Variants in TBCA observed in about 807,000 individuals in gnomAD.
TBCA encodes the protein tubulin folding cofactor A, also known as tubulin-specific chaperone A.
TBCA carries 6 observed loss-of-function variants against 15.8 expected under a neutral mutation model. The observed-to-expected ratio is 0.38, with a 90% CI of 0.21 to 0.75. TBCA has a LOEUF of 0.75. Among genes scored for constraint, TBCA ranks in the 30% least tolerant of loss-of-function variants. The pLI, the probability that TBCA is intolerant of heterozygous loss-of-function variation, is 0.46. For missense variants in TBCA, 90 were observed against 131.2 expected (o/e 0.69, Z 1.53); for synonymous variants, 32 against 42.3 (o/e 0.76, Z 0.94).
intron 1 of TBCA, among the ~76,000 whole-genome samples, chr5:77,770,732 A>G (rs1238068875): frequency 1.3e-5 from 2 of 149,740 alleles, no homozygotes; most frequent in Non-Finnish European, 3.0e-5. Flanking sequence ...AAATCTTAAA[A>G]AAAAAAGAAA....
intron 1 of TBCA, among the ~76,000 whole-genome samples, chr5:77,775,924 C>G (rs1414580435): frequency 6.6e-6 from 1 of 152,172 alleles, no homozygotes; most frequent in Non-Finnish European, 1.5e-5. Context: ...CCACCACCTT[C>G]CCACCGCGGG....
chr5:77,731,624 T>G (rs1746771160), intron 1 of TBCA, among the ~76,000 whole-genome samples: 1 of 152,220 alleles, frequency 6.6e-6, no homozygotes, highest in Admixed American at 6.5e-5. Context: ...ATTCCGTATC[T>G]CTATCTTTTA....
intron 2 of TBCA, among the ~76,000 whole-genome samples, chr5:77,708,017 CAAACAAAACA>C (rs895297072): frequency 1.3e-5 from 2 of 152,082 alleles, no homozygotes; most frequent in Non-Finnish European, 2.9e-5. Flanking sequence ...GGCCCTGTTT[CAAACAAAACA>C]AAACAAAACA....
At chr5:77,709,980 T>C (rs544284284) in intron 1 of TBCA, among the ~76,000 whole-genome samples, 2 of 152,174 alleles carry the variant, frequency 1.3e-5, no homozygotes, top group Admixed American at 6.6e-5. Context: ...TAAAGTAGAT[T>C]AGTGGTTGCT....
chr5:77,746,067 T>A (rs1580123926), intron 1 of TBCA, among the ~76,000 whole-genome samples: 2 of 152,188 alleles, frequency 1.3e-5, no homozygotes, highest in South Asian at 4.1e-4. Context: ...CAGTTTTTCA[T>A]CCCTTTGGTT....
At chr5:77,723,924 T>C (rs1389560236) in intron 1 of TBCA, among the ~76,000 whole-genome samples, 2 of 152,072 alleles carry the variant, frequency 1.3e-5, no homozygotes, top group Non-Finnish European at 2.9e-5. Flanking sequence ...TGAAATAGTT[T>C]TTAATGTTTT....
At chr5:77,740,034 G>C (rs1004844615) in intron 1 of TBCA, among the ~76,000 whole-genome samples, 3 of 152,120 alleles carry the variant, frequency 2.0e-5, no homozygotes, top group Admixed American at 1.3e-4. Context: ...GGAATTAGCA[G>C]GACAGAGACT....
At chr5:77,700,991 C>G (rs13182354) in intron 2 of TBCA, among the ~76,000 whole-genome samples, 1 of 152,082 alleles carries the variant, frequency 6.6e-6, no homozygotes, top group Non-Finnish European at 1.5e-5. Context: ...AAAAACCCTT[C>G]TAGACATTGG....
intron 1 of TBCA, among the ~76,000 whole-genome samples, chr5:77,753,818 G>C (rs1747412265): frequency 6.6e-6 from 1 of 152,052 alleles, no homozygotes; most frequent in Non-Finnish European, 1.5e-5. Flanking sequence ...GAGTGCAGTG[G>C]TGCCATCTTG....
At chr5:77,721,440 G>A (rs1377283850) in intron 1 of TBCA, among the ~76,000 whole-genome samples, 1 of 152,024 alleles carries the variant, frequency 6.6e-6, no homozygotes, top group Non-Finnish European at 1.5e-5. Context: ...GATGTCTTAA[G>A]TCCTTTTGTA....
intron 1 of TBCA, among the ~76,000 whole-genome samples, chr5:77,709,947 G>A (rs924267465): frequency 6.6e-6 from 1 of 152,176 alleles, no homozygotes; most frequent in African/African-American, 2.4e-5. Context: ...GACATATCCA[G>A]AACGGGCAAA....
intron 1 of TBCA, among the ~76,000 whole-genome samples, chr5:77,761,060 C>T (rs948623242): frequency 2.6e-5 from 4 of 151,954 alleles, no homozygotes; most frequent in Admixed American, 1.3e-4. Context: ...AAGTGAGGAG[C>T]GCCTCTGCCT....
At position 77,750,131 on chromosome 5, in the gene TBCA, G is replaced by GCTCTCT. The variant is rs146241816; in HGVS notation, c.53+26068_53+26073dup. Among the ~76,000 whole-genome samples the GCTCTCT allele has an allele frequency of 1.0e-3, 151 of 143,870 alleles. 1 individual carries two copies. The Middle Eastern group carries it at 0.025, about 24-fold the overall frequency. 94.4% of individuals were successfully genotyped at this position (143,870 alleles called of 152,430 possible). ...CCTCTTTGTACCTTTGCAAATTTGT[G>GCTCTCT]CTCTCTCTCTATATATATAGAGAGA... On this transcript the variant is annotated intron_variant, in intron 1 of 3. Coordinates refer to ENST00000380377, the MANE Select transcript of TBCA (RefSeq NM_004607.3).
chr5:77,751,407 G>C (rs1431558586), intron 1 of TBCA, among the ~76,000 whole-genome samples: 3 of 151,850 alleles, frequency 2.0e-5, no homozygotes, highest in African/African-American at 7.3e-5. Flanking sequence ...TCGAAATCCT[G>C]ACCTCAGGCG....
chr5:77,738,708 G>A (rs573666604), intron 1 of TBCA, among the ~76,000 whole-genome samples: 2 of 152,228 alleles, frequency 1.3e-5, no homozygotes, highest in African/African-American at 4.8e-5. Context: ...TTAGCCTTCC[G>A]AGTAGCTGGG....
At chr5:77,746,254 C>T (rs1271183005) in intron 1 of TBCA, among the ~76,000 whole-genome samples, 1 of 151,846 alleles carries the variant, frequency 6.6e-6, no homozygotes. Context: ...CATATTGAGG[C>T]CCCGTCTCTA....
At chr5:77,717,163 C>T (rs1746415997) in intron 1 of TBCA, among the ~76,000 whole-genome samples, 1 of 152,146 alleles carries the variant, frequency 6.6e-6, no homozygotes, top group African/African-American at 2.4e-5. Context: ...CTAAATCAAC[C>T]AACCGTAAAA....
chr5:77,769,479 T>A (rs929410434), intron 1 of TBCA, among the ~76,000 whole-genome samples: 7 of 152,172 alleles, frequency 4.6e-5, no homozygotes, highest in African/African-American at 1.7e-4. Context: ...TAAGTATACG[T>A]GTCATTTGCA....
chr5:77,743,101 A>G (rs981602384), intron 1 of TBCA, among the ~76,000 whole-genome samples: 2 of 152,212 alleles, frequency 1.3e-5, no homozygotes, highest in African/African-American at 4.8e-5. Context: ...AGAAATTCTT[A>G]AAGATTTGAT....
Sources: gnomAD v4.1 joint callset for allele counts (sites outside exome capture counted in the v4.1 genomes callset) on GRCh38, gnomAD v4.1.1 for gene constraint, MANE v1.5 for transcripts, NCBI Gene and HGNC (gene_info 2026-07-23, HGNC 2026-07-21) for gene names.